Variants in DPP10 observed in about 807,000 individuals in gnomAD.
The protein encoded by DPP10 is inactive dipeptidyl peptidase 10.
In DPP10, 33 loss-of-function variants were observed where a neutral mutation model predicts 120.9. That is an observed-to-expected ratio of 0.27 (90% CI 0.21 to 0.37). The LOEUF (loss-of-function observed/expected upper bound fraction) is 0.37, where lower values mean the gene tolerates loss of function less well. DPP10 is among the 10% of genes least tolerant of loss of function. DPP10 has a pLI of 1.00. For synonymous variants in DPP10, 337 were observed against 326.1 expected (o/e 1.03, Z -0.36); for missense variants, 816 against 942.8 (o/e 0.87, Z 1.76).
In DPP10 at chr2:115,758,521, T is replaced by C. The variant is rs911781650; in HGVS notation, c.1075-4051T>C. 3.9e-5 allele frequency among the ~76,000 whole-genome samples: 6 copies of C among 152,254 alleles called. No homozygotes were observed. In the East Asian group the frequency reaches 1.2e-3, roughly 29 times the overall value. ...ATTAATATTGTTAAGATATTAATTC[T>C]ACCCAAATTTAACCATAATTTTAAT... is the stretch of plus-strand genomic sequence containing the variant. On this transcript the variant is annotated intron_variant, in intron 11 of 25. Transcript: ENST00000410059.
At chr2:115,827,922 T>C (rs1157776638) in intron 21 of DPP10, among the ~76,000 whole-genome samples, 1 of 152,108 alleles carries the variant, frequency 6.6e-6, no homozygotes, top group Non-Finnish European at 1.5e-5. Context: ...TTTAAACAAA[T>C]TTAAATATAG....
chr2:114,852,866 G>A (rs1449509026), intron 1 of DPP10, among the ~76,000 whole-genome samples: 2 of 152,124 alleles, frequency 1.3e-5, no homozygotes, highest in Non-Finnish European at 2.9e-5. Context: ...CAACTTCAAA[G>A]TTTTGCTTTT....
At chr2:115,023,596 A>G (rs1320586748) in intron 1 of DPP10, among the ~76,000 whole-genome samples, 3 of 152,166 alleles carry the variant, frequency 2.0e-5, no homozygotes, top group Admixed American at 6.5e-5. Context: ...AGATTCCTTA[A>G]AGAACTAGAA....
intron 3 of DPP10, among the ~76,000 whole-genome samples, chr2:115,382,738 C>G (rs977274251): frequency 6.6e-6 from 1 of 152,184 alleles, no homozygotes; most frequent in African/African-American, 2.4e-5. Context: ...AATAGTTTTT[C>G]CCTTATTGCC....
intron 3 of DPP10, among the ~76,000 whole-genome samples, chr2:115,494,867 A>T (rs758126198): frequency 1.4e-4 from 22 of 152,262 alleles, no homozygotes; most frequent in Admixed American, 5.2e-4. Context: ...CTCTTTCTCT[A>T]TGTAGAGATA....
intron 4 of DPP10, among the ~76,000 whole-genome samples, chr2:115,524,684 G>A (rs2078021487): frequency 6.6e-6 from 1 of 152,138 alleles, no homozygotes; most frequent in Non-Finnish European, 1.5e-5. Context: ...GATGTGATCT[G>A]ATGACCAGCT....
intron 1 of DPP10, among the ~76,000 whole-genome samples, chr2:114,631,185 A>T (rs1217592985): frequency 6.6e-6 from 1 of 152,012 alleles, no homozygotes; most frequent in East Asian, 1.9e-4. Context: ...ACAGAAAGAG[A>T]CCTGTGTTGA....
intron 1 of DPP10, chr2:114,833,836 T>A (rs1222430891): frequency 6.6e-6 from 1 of 152,144 alleles, no homozygotes; most frequent in Non-Finnish European, 1.5e-5. Context: ...AGACAAGAAT[T>A]GATATGGTCA....
chr2:114,453,309 C>T (rs1251558604), intron 1 of DPP10, among the ~76,000 whole-genome samples: 2 of 152,116 alleles, frequency 1.3e-5, no homozygotes, highest in South Asian at 2.1e-4. Context: ...TCTTTGATCA[C>T]GTTTGAGCAA....
intron 1 of DPP10, among the ~76,000 whole-genome samples, chr2:114,800,599 A>G (rs1167318084): frequency 1.3e-5 from 2 of 152,220 alleles, no homozygotes; most frequent in East Asian, 3.8e-4. Context: ...CATCTCACAT[A>G]TTAGAGAAGG....
At chr2:114,930,214 A>AG (rs1453336142) in intron 1 of DPP10, among the ~76,000 whole-genome samples, 1 of 152,204 alleles carries the variant, frequency 6.6e-6, no homozygotes, top group East Asian at 1.9e-4. Flanking sequence ...GTTTTACTGC[A>AG]GTACCCTTGG....
chr2:114,620,907 G>A (rs950504425), intron 1 of DPP10, among the ~76,000 whole-genome samples: 7 of 152,012 alleles, frequency 4.6e-5, no homozygotes, highest in Admixed American at 1.3e-4. Context: ...GACATTCATC[G>A]AATCTGGTGG....
chr2:115,621,256 T>G (rs1397151816), intron 5 of DPP10, among the ~76,000 whole-genome samples: 25 of 152,238 alleles, frequency 1.6e-4, no homozygotes, highest in Admixed American at 1.6e-3. Flanking sequence ...TTAACTTAAG[T>G]GCTAGCTTTC....
chr2:114,769,673 T>C (rs1473981994), intron 1 of DPP10, among the ~76,000 whole-genome samples: 1 of 152,204 alleles, frequency 6.6e-6, no homozygotes. Context: ...TATGATTCAC[T>C]TGGATTATTA....
intron 1 of DPP10, among the ~76,000 whole-genome samples, chr2:114,902,748 C>T (rs1170031142): frequency 2.0e-5 from 3 of 152,300 alleles, no homozygotes; most frequent in African/African-American, 7.2e-5. Flanking sequence ...ATTATAAACA[C>T]TCCCCACCAG....
intron 1 of DPP10, among the ~76,000 whole-genome samples, chr2:114,519,374 GT>G (rs1006826443): frequency 1.3e-5 from 2 of 152,212 alleles, no homozygotes; most frequent in Non-Finnish European, 2.9e-5. Context: ...TTTTATCAGT[GT>G]TGGTTATTTG....
At chr2:114,879,878 A>G (rs1691467316) in intron 1 of DPP10, among the ~76,000 whole-genome samples, 1 of 152,136 alleles carries the variant, frequency 6.6e-6, no homozygotes. Context: ...CACTCTGGGA[A>G]CTTTTGAATT....
At chr2:115,638,454 T>C (rs1287006855) in intron 5 of DPP10, among the ~76,000 whole-genome samples, 2 of 152,218 alleles carry the variant, frequency 1.3e-5, no homozygotes, top group Admixed American at 1.3e-4. Flanking sequence ...CAAGTGCCTG[T>C]AAGCCAGAAG....
chr2:114,830,489 G>A (rs7597658), intron 1 of DPP10, among the ~76,000 whole-genome samples: 1 of 151,936 alleles, frequency 6.6e-6, no homozygotes, highest in Non-Finnish European at 1.5e-5. Context: ...TTGTAAAAAC[G>A]TGTACTCTCT....
Sources: allele counts gnomAD v4.1 joint callset (sites outside exome capture counted in the v4.1 genomes callset), GRCh38; gene constraint gnomAD v4.1.1; transcripts MANE v1.5; gene names NCBI Gene and HGNC (gene_info 2026-07-23, HGNC 2026-07-21).